The following DPYD variants were observed in gnomAD, a reference collection of about 807,000 sequenced individuals.
The protein encoded by DPYD is dihydropyrimidine dehydrogenase [NADP(+)].
Under a neutral mutation model 116.2 loss-of-function variants are expected in DPYD, and 109 were observed. The ratio of observed to expected loss-of-function variants is 0.94; its 90% confidence interval spans 0.80 to 1.10. The LOEUF is 1.10. Among genes scored for constraint, DPYD ranks in the 50% least tolerant of loss-of-function variants. The probability of loss-of-function intolerance (pLI) is 0.00; values close to 1 mark genes in which losing one functional copy is unlikely to be tolerated. For missense variants in DPYD, 1,302 were observed against 1,254.5 expected (o/e 1.04, Z -0.57); for synonymous variants, 440 against 432.0 (o/e 1.02, Z -0.23).
intron 14 of DPYD, chr1:97,394,162 G>C (rs1406382381): frequency 6.6e-6 from 1 of 152,026 alleles, no homozygotes; most frequent in Admixed American, 6.6e-5. Context: ...TTGTAAATTT[G>C]TTTAAGTTCT....
At chr1:97,735,327 A>G (rs1663863732) in intron 4 of DPYD, among the ~76,000 whole-genome samples, 1 of 152,244 alleles carries the variant, frequency 6.6e-6, no homozygotes, top group East Asian at 1.9e-4. Flanking sequence ...TCAGACTCGC[A>G]GAGACTTTTA....
chr1:97,375,103 A>T (rs1450122933), intron 15 of DPYD, among the ~76,000 whole-genome samples: 1 of 151,726 alleles, frequency 6.6e-6, no homozygotes, highest in Non-Finnish European at 1.5e-5. Flanking sequence ...CAAATTTTAT[A>T]TTCTTTTACC....
chr1:97,464,419 A>T (rs903223978), intron 13 of DPYD, among the ~76,000 whole-genome samples: 2 of 152,204 alleles, frequency 1.3e-5, no homozygotes, highest in Non-Finnish European at 2.9e-5. Flanking sequence ...AACTGAAAAA[A>T]TGCCTCCAGG....
intron 14 of DPYD, among the ~76,000 whole-genome samples, chr1:97,421,256 T>A (rs1162541227): frequency 6.6e-6 from 1 of 152,200 alleles, no homozygotes; most frequent in African/African-American, 2.4e-5. Context: ...TGGCAGTATG[T>A]CTGGCACACA....
intron 20 of DPYD, among the ~76,000 whole-genome samples, chr1:97,171,074 C>T (rs1237817987): frequency 1.3e-5 from 2 of 152,114 alleles, no homozygotes; most frequent in African/African-American, 4.8e-5. Context: ...TACATGGAGT[C>T]ATAACCCAAG....
chr1:97,876,292 C>T (rs982927937), intron 2 of DPYD, among the ~76,000 whole-genome samples: 1 of 151,974 alleles, frequency 6.6e-6, no homozygotes, highest in Admixed American at 6.6e-5. Flanking sequence ...GAAGTTTAAA[C>T]ACCTGTGGAG....
chr1:97,799,525 A>T (rs750248989), intron 3 of DPYD, among the ~76,000 whole-genome samples: 23 of 151,980 alleles, frequency 1.5e-4, no homozygotes, highest in Non-Finnish European at 2.8e-4. Context: ...TGAAGTACAA[A>T]TTATGTGATC....
intron 20 of DPYD, among the ~76,000 whole-genome samples, chr1:97,139,567 G>C (rs1460232241): frequency 2.6e-5 from 4 of 152,118 alleles, no homozygotes; most frequent in African/African-American, 7.2e-5. Context: ...ACCAACTGAA[G>C]TATCATTACA....
chr1:97,358,134 A>G (rs1454867640), intron 16 of DPYD, among the ~76,000 whole-genome samples: 1 of 152,220 alleles, frequency 6.6e-6, no homozygotes, highest in African/African-American at 2.4e-5. Flanking sequence ...AGCAAATGGC[A>G]CACCAGGAGA....
chr1:97,334,724 A>C (rs1669196917), intron 16 of DPYD, among the ~76,000 whole-genome samples: 1 of 152,238 alleles, frequency 6.6e-6, no homozygotes, highest in Non-Finnish European at 1.5e-5. Context: ...GTAGGAGCTC[A>C]ATAAATTATA....
chr1:97,699,500 A>G lies in DPYD; in HGVS notation c.531T>C (p.Pro177=), dbSNP rs774411340. 1 of 1,613,352 alleles carries G rather than the reference A, an allele frequency of 6.2e-7. No individual in the cohort carries two copies. Among genetic ancestry groups the G allele is most frequent in the East Asian group, 2.2e-5 (1 of 44,870 alleles). Residue 177 remains proline (P), a synonymous_variant, in exon 6 of 23, where the codon CCT becomes CCC. Coordinates refer to ENST00000370192, the MANE Select transcript of DPYD (RefSeq NM_000110.4). ...AGGCTTCAGACATTTTTTCTGGGGGAGGCAGCGAAGGATTTCTGATCTGTG... is the reference window on the plus strand; with the variant it reads ...AGGCTTCAGACATTTTTTCTGGGGGGGGCAGCGAAGGATTTCTGATCTGTG... ...SIPQIRNPSL[P]PPEKMSEAYS...
intron 16 of DPYD, among the ~76,000 whole-genome samples, chr1:97,331,950 A>G (rs1439669325): frequency 6.6e-6 from 1 of 152,210 alleles, no homozygotes; most frequent in Non-Finnish European, 1.5e-5. Flanking sequence ...TGTTTTATCT[A>G]TTATCCAGAA....
chr1:97,197,351 AT>A (rs1557931074), intron 19 of DPYD, among the ~76,000 whole-genome samples: 1 of 152,002 alleles, frequency 6.6e-6, no homozygotes, highest in Non-Finnish European at 1.5e-5. Context: ...CTGAGATTCT[AT>A]TTTTTTGTAG....
intron 21 of DPYD, among the ~76,000 whole-genome samples, chr1:97,089,627 G>A (rs1406491609): frequency 6.6e-6 from 1 of 151,942 alleles, no homozygotes; most frequent in Non-Finnish European, 1.5e-5. Flanking sequence ...TTCTTCCTCA[G>A]AATCTTTTTC....
chr1:97,887,197 A>G (rs1381542373), intron 1 of DPYD, among the ~76,000 whole-genome samples: 6 of 151,972 alleles, frequency 3.9e-5, no homozygotes, highest in African/African-American at 1.4e-4. Context: ...TATCCAGGCC[A>G]GGCATAATGG....
intron 12 of DPYD, among the ~76,000 whole-genome samples, chr1:97,519,428 C>T (rs977152504): frequency 1.1e-4 from 17 of 152,090 alleles, no homozygotes; most frequent in Non-Finnish European, 2.2e-4. Context: ...TTCCTCCCAA[C>T]GGGTCCCTCC....
chr1:97,478,597 A>C (rs1348531910), intron 13 of DPYD, among the ~76,000 whole-genome samples: 3 of 152,136 alleles, frequency 2.0e-5, no homozygotes, highest in African/African-American at 7.2e-5. Flanking sequence ...ATTTAGCATA[A>C]TTCTTAAGGG....
intron 18 of DPYD, among the ~76,000 whole-genome samples, chr1:97,260,372 T>C (rs569557565): frequency 3.3e-5 from 5 of 152,180 alleles, no homozygotes; most frequent in African/African-American, 9.6e-5. Flanking sequence ...TATATGATAG[T>C]ATTCTGTACT....
chr1:97,162,726 A>G (rs1031365618), intron 20 of DPYD, among the ~76,000 whole-genome samples: 4 of 152,212 alleles, frequency 2.6e-5, no homozygotes, highest in African/African-American at 9.7e-5. Context: ...CCTGACTTCA[A>G]ACTATAGTAC....
Sources: allele counts gnomAD v4.1 joint callset (sites outside exome capture counted in the v4.1 genomes callset), GRCh38; gene constraint gnomAD v4.1.1; transcripts MANE v1.5; gene names NCBI Gene and HGNC (gene_info 2026-07-23, HGNC 2026-07-21).